The following PDSS2 variants were observed in gnomAD, a reference collection of about 807,000 sequenced individuals.
The protein encoded by PDSS2 is all trans-polyprenyl-diphosphate synthase PDSS2.
Under a neutral mutation model 44.5 loss-of-function variants are expected in PDSS2, and 31 were observed. The ratio of observed to expected loss-of-function variants is 0.70; its 90% confidence interval spans 0.52 to 0.94. PDSS2 has a LOEUF of 0.94. PDSS2 is among the 40% of genes least tolerant of loss of function. The pLI is 0.00. For missense variants in PDSS2, 452 were observed against 482.2 expected (o/e 0.94, Z 0.59); for synonymous variants, 157 against 180.3 (o/e 0.87, Z 1.03).
intron 1 of PDSS2, among the ~76,000 whole-genome samples, chr6:107,455,226 C>T (rs17511672): frequency 0.068 from 9,992 of 148,012 alleles, 416 homozygotes; most frequent in Non-Finnish European, 0.093. Context: ...ATCTAGGATG[C>T]CTCTGGTGGC....
At chr6:107,454,510 C>A (rs1781973649) in intron 1 of PDSS2, among the ~76,000 whole-genome samples, 1 of 152,156 alleles carries the variant, frequency 6.6e-6, no homozygotes. Flanking sequence ...TCTCACCAAA[C>A]CTCAAGATTT....
At chr6:107,262,882 C>T (rs894911370) in intron 3 of PDSS2, among the ~76,000 whole-genome samples, 1 of 151,896 alleles carries the variant, frequency 6.6e-6, no homozygotes, top group African/African-American at 2.4e-5. Flanking sequence ...CAACACTGGC[C>T]TGGGCTAGAT....
intron 1 of PDSS2, among the ~76,000 whole-genome samples, chr6:107,388,682 T>A (rs984102981): frequency 6.6e-6 from 1 of 152,136 alleles, no homozygotes; most frequent in East Asian, 1.9e-4. Context: ...ATGGTCTCCA[T>A]CTTCTGACGT....
chr6:107,299,848 C>A (rs1048397728), intron 2 of PDSS2, among the ~76,000 whole-genome samples: 1 of 152,128 alleles, frequency 6.6e-6, no homozygotes, highest in Non-Finnish European at 1.5e-5. Context: ...GTCTGTTGGA[C>A]CTTACTTCAC....
At chr6:107,438,260 G>A (rs1781414204) in intron 1 of PDSS2, among the ~76,000 whole-genome samples, 2 of 152,082 alleles carry the variant, frequency 1.3e-5, no homozygotes, top group South Asian at 4.2e-4. Flanking sequence ...CCAGGCTGGA[G>A]TGCAATGGCA....
At chr6:107,191,048 TGC>T (rs1772360476) in intron 7 of PDSS2, among the ~76,000 whole-genome samples, 1 of 152,070 alleles carries the variant, frequency 6.6e-6, no homozygotes, top group African/African-American at 2.4e-5. Context: ...CCCGCCACCA[TGC>T]CCAGCTAATT....
At chr6:107,261,578 C>CTTTT (rs36106088) in intron 3 of PDSS2, among the ~76,000 whole-genome samples, 246 of 112,784 alleles carry the variant, frequency 2.2e-3, no homozygotes, top group East Asian at 6.9e-3. Context: ...TCTTTTCTTT[C>CTTTT]TTTTTTTTTT....
At chr6:107,271,483 C>T (rs1775596268) in intron 3 of PDSS2, among the ~76,000 whole-genome samples, 1 of 152,218 alleles carries the variant, frequency 6.6e-6, no homozygotes, top group Non-Finnish European at 1.5e-5. Flanking sequence ...CTATAATTTA[C>T]TGTTTCCCAC....
intron 1 of PDSS2, among the ~76,000 whole-genome samples, chr6:107,404,856 C>G (rs1004954660): frequency 1.3e-5 from 2 of 152,054 alleles, no homozygotes; most frequent in Non-Finnish European, 2.9e-5. Context: ...TCTGGAAAAC[C>G]TTTTTAAAGA....
chr6:107,294,442 T>C (rs759386975), intron 2 of PDSS2, among the ~76,000 whole-genome samples: 6 of 152,090 alleles, frequency 3.9e-5, no homozygotes, highest in Non-Finnish European at 7.4e-5. Context: ...AGACAGGGTC[T>C]TTCTATATTG....
chr6:107,443,577 G>A (rs111949831), intron 1 of PDSS2, among the ~76,000 whole-genome samples: 2,105 of 152,306 alleles, frequency 0.014, 41 homozygotes, highest in African/African-American at 0.044. Flanking sequence ...TACAGTGGAA[G>A]GGCAAGTTTA....
At chr6:107,321,477 T>G (rs1033869647) in intron 2 of PDSS2, among the ~76,000 whole-genome samples, 2 of 152,256 alleles carry the variant, frequency 1.3e-5, no homozygotes, top group African/African-American at 2.4e-5. Context: ...CTTTCTTCTA[T>G]GTTCTAGCTC....
chr6:107,180,594 T>C (rs1771938917), intron 7 of PDSS2, among the ~76,000 whole-genome samples: 1 of 152,168 alleles, frequency 6.6e-6, no homozygotes, highest in South Asian at 2.1e-4. Context: ...GGTGCTGTAG[T>C]AGGCTTTCAC....
chr6:107,356,605 T>C (rs1466950038), intron 1 of PDSS2, among the ~76,000 whole-genome samples: 2 of 152,234 alleles, frequency 1.3e-5, no homozygotes, highest in African/African-American at 4.8e-5. Context: ...TTTGACTACA[T>C]GTCTATCTGG....
intron 1 of PDSS2, among the ~76,000 whole-genome samples, chr6:107,364,897 A>G (rs1279774834): frequency 6.6e-6 from 1 of 152,260 alleles, no homozygotes; most frequent in Non-Finnish European, 1.5e-5. Flanking sequence ...ATCAGAAACC[A>G]TGGAGACCAG....
chr6:107,172,255 G>T (rs1469540934), intron 7 of PDSS2, among the ~76,000 whole-genome samples: 1 of 152,204 alleles, frequency 6.6e-6, no homozygotes, highest in Non-Finnish European at 1.5e-5. Context: ...ATCACTGTAT[G>T]TCTCTGAAAA....
At chr6:107,350,350 T>C (rs111513579) in intron 1 of PDSS2, among the ~76,000 whole-genome samples, 6 of 152,200 alleles carry the variant, frequency 3.9e-5, no homozygotes, top group Non-Finnish European at 8.8e-5. Flanking sequence ...TACAATGAGT[T>C]GCCTCTCTTG....
chr6:107,254,868 C>T (rs1210588550), intron 3 of PDSS2, among the ~76,000 whole-genome samples: 8 of 142,652 alleles, frequency 5.6e-5, no homozygotes, highest in African/African-American at 1.6e-4. Flanking sequence ...TATAAAACTA[C>T]ATTTTTTTTT....
intron 3 of PDSS2, among the ~76,000 whole-genome samples, chr6:107,260,562 C>T (rs1775178569): frequency 1.3e-5 from 2 of 151,514 alleles, no homozygotes; most frequent in South Asian, 2.1e-4. Flanking sequence ...TTGACTATGG[C>T]AATATTATAT....
Sources: gnomAD v4.1 joint callset for allele counts (sites outside exome capture counted in the v4.1 genomes callset) on GRCh38, gnomAD v4.1.1 for gene constraint, MANE v1.5 for transcripts, NCBI Gene and HGNC (gene_info 2026-07-23, HGNC 2026-07-21) for gene names.